CTNND1: variants seen among roughly 807,000 people sequenced by gnomAD.
The protein encoded by CTNND1 is catenin delta-1.
In CTNND1, 16 loss-of-function variants were observed where a neutral mutation model predicts 112.1. The observed-to-expected ratio is 0.14, with a 90% CI of 0.10 to 0.22. The LOEUF (loss-of-function observed/expected upper bound fraction) is 0.22, where lower values mean the gene tolerates loss of function less well. Ranked by LOEUF, CTNND1 falls within the 10% of genes least tolerant of loss-of-function variation. The probability of loss-of-function intolerance (pLI) is 1.00; values close to 1 mark genes in which losing one functional copy is unlikely to be tolerated. For missense variants in CTNND1, 1,008 were observed against 1,257.0 expected, an observed-to-expected ratio of 0.80 and a Z score of 3.00; for synonymous variants, 420 against 446.5, an observed-to-expected ratio of 0.94 and a Z score of 0.75.
In CTNND1 at chr11:57,808,208, C is replaced by T. The variant is rs1361184233; in HGVS notation, c.2007C>T (p.Ile669=). 21 of 1,613,748 alleles carry T rather than the reference C, an allele frequency of 1.3e-5. No homozygotes were observed. The highest frequency in any genetic ancestry group is 1.8e-5 in the Non-Finnish European group (21 of 1,179,790). Residue 669 remains isoleucine (I), a synonymous_variant, in exon 13 of 21, where the codon ATC becomes ATT. Transcript: ENST00000399050. ...LFQPEVVRIY[I]SLLKESKTPA... The stretch of plus-strand genomic sequence containing the variant: ...AGCCAGAGGTGGTTCGGATATACAT[C>T]TCACTTCTTAAGGAGAGCAAGACTC...
chr11:57,811,324 G>T, intron 16 of CTNND1, 75 bp from the exon 17 acceptor site: 2 of 1,195,888 alleles, frequency 1.7e-6, no homozygotes, highest in Non-Finnish European at 2.4e-6. Context: ...GAACCTAGAG[G>T]TTTATGCCCA....
intron 4 of CTNND1, 118 bp downstream of exon 4, chr11:57,794,199 GTTTC>G: frequency 1.2e-6 from 1 of 832,352 alleles, no homozygotes; most frequent in Non-Finnish European, 1.9e-6. Context: ...TCGTCAATTA[GTTTC>G]TTTTATTTAC....
rs769966903 is a variant in CTNND1 at position 57,802,181 on chromosome 11, A to G, written c.1405A>G (p.Thr469Ala). 6 of 1,611,502 alleles carry G rather than the reference A, an allele frequency of 3.7e-6. No individual in the cohort carries two copies. The Admixed American group carries it at 1.0e-4, about 27-fold the overall frequency. Residue 469 changes from threonine (T) to alanine (A), a missense_variant, in exon 7 of 21, where the codon ACT (threonine) becomes GCT (alanine). This residue lies in a region of CTNND1 where 216 missense variants were observed against 342.8 expected (regional missense o/e 0.63). Coordinates refer to ENST00000399050, the MANE Select transcript of CTNND1 (RefSeq NM_001085458.2). ...LLRKARDMDL[T>A]EVITGTLWNL... ...TCGAAAGGCTCGTGATATGGACCTTACTGAAGTTATTACCGGTGAGTTCTA... is the reference window on the plus strand; with the variant it reads ...TCGAAAGGCTCGTGATATGGACCTTGCTGAAGTTATTACCGGTGAGTTCTA...
At chr11:57,792,719 T>C (rs368641148) in intron 3 of CTNND1, among the ~76,000 whole-genome samples, 58 of 152,182 alleles carry the variant, frequency 3.8e-4, no homozygotes, top group East Asian at 1.2e-3. Flanking sequence ...TTAGTAGAAA[T>C]GGGGTTTCAC....
In CTNND1 at chr11:57,802,112, G is replaced by T. The variant is rs1424612732; in HGVS notation, c.1336G>T (p.Ala446Ser). The stretch of plus-strand genomic sequence containing the variant: ...TGGACGTGACCAGGATAACAAGATT[G>T]CCATAAAAAACTGTGATGGTGTGCC... ...SFGRDQDNKIAIKNCDGVPAL... is the reference protein window; with the variant it reads ...SFGRDQDNKISIKNCDGVPAL... The change falls in exon 7 of 21, where the codon GCC becomes TCC. Residue 446 changes from alanine to serine, a missense_variant. Physicochemically the swap from Ala to Ser is moderately conservative, Grantham distance 99. Transcript: ENST00000399050. 1 of 1,613,992 alleles carries T rather than the reference G, an allele frequency of 6.2e-7. No individual in the cohort carries two copies.
At position 57,801,926 on chromosome 11, in the gene CTNND1, T is replaced by G. The variant is rs751036815; in HGVS notation, c.1150T>G (p.Ser384Ala). The G allele has an allele frequency of 1.2e-6, 2 of 1,613,968 alleles. No individual in the cohort carries two copies. Among genetic ancestry groups the G allele is most frequent in the Non-Finnish European group, 1.7e-6 (2 of 1,179,896 alleles). The change falls in exon 7 of 21, where the codon TCC becomes GCC. Residue 384 changes from serine to alanine, a missense_variant. Physicochemically the swap from Ser to Ala is moderately conservative, Grantham distance 99. Transcript: ENST00000399050. ...MLGFRLDAVK[S>A]NAAAYLQHLC... ...TGGATTCCGCTTGGATGCTGTCAAG[T>G]CCAATGCAGCTGCATACCTGCAACA...
At chr11:57,813,598 G>A (rs1270478037) in intron 17 of CTNND1, among the ~76,000 whole-genome samples, 1 of 152,126 alleles carries the variant, frequency 6.6e-6, no homozygotes, top group Non-Finnish European at 1.5e-5. Flanking sequence ...CAACCTTTAA[G>A]AAACTACTAC....
chr11:57,801,696 C>T, intron 6 of CTNND1, 37 bp from the exon 7 acceptor site: 1 of 1,549,346 alleles, frequency 6.5e-7, no homozygotes, highest in Non-Finnish European at 8.8e-7. Flanking sequence ...GCCATAATGA[C>T]TTGATGTATT....
At chr11:57,786,568 G>A (rs2060162440) in intron 1 of CTNND1, among the ~76,000 whole-genome samples, 1 of 152,112 alleles carries the variant, frequency 6.6e-6, no homozygotes, top group South Asian at 2.1e-4. Flanking sequence ...AAGTGGCAAA[G>A]CTGGAAAGGC....
At chr11:57,806,893 C>T (rs371603833) in intron 11 of CTNND1, 22 bp from the exon 12 acceptor site, 60 of 1,571,980 alleles carry the variant, frequency 3.8e-5, no homozygotes, top group Non-Finnish European at 5.2e-5. Context: ...ACCCCTTTTC[C>T]CGCCCTTTTT....
chr11:57,784,341 C>G (rs1180805503), intron 1 of CTNND1, among the ~76,000 whole-genome samples: 1 of 150,690 alleles, frequency 6.6e-6, no homozygotes, highest in Non-Finnish European at 1.5e-5. Context: ...CCCACGAGGT[C>G]CATGCTGTAG....
intron 1 of CTNND1, among the ~76,000 whole-genome samples, chr11:57,769,069 G>A (rs1346207463): frequency 6.6e-6 from 1 of 151,872 alleles, no homozygotes; most frequent in Non-Finnish European, 1.5e-5. Flanking sequence ...CACTTTGGGA[G>A]GCTGAGGCAG....
At chr11:57,790,491 C>T (rs1401454009) in intron 2 of CTNND1, among the ~76,000 whole-genome samples, 1 of 150,848 alleles carries the variant, frequency 6.6e-6, no homozygotes, top group South Asian at 2.1e-4. Context: ...GCCTCAGCCT[C>T]CCGAGTTGCT....
Position 57,814,316 on chromosome 11 carries a change from A to C in CTNND1, c.2644A>C (p.Lys882Gln), listed in dbSNP as rs1203065134. The change falls in exon 18 of 21, where the codon AAA (lysine) becomes CAA (glutamine). Residue 882 changes from lysine to glutamine, a missense_variant. This residue lies in a region of CTNND1 where 106 missense variants were observed against 116.2 expected (regional missense o/e 0.91). Transcript: ENST00000399050. ...AACTTTCTGACTTCATACAGATAAG[A>C]AACCTGATCGGGAAGAAATTCAGAT... is the stretch of plus-strand genomic sequence containing the variant. The part of the protein sequence containing the change: ...LIDRNQKSDK[K>Q]PDREEIQMSN... The C allele has an allele frequency of 1.1e-5, 17 of 1,611,202 alleles. No individual in the cohort carries two copies. Among genetic ancestry groups the C allele is most frequent in the Non-Finnish European group, 1.4e-5 (17 of 1,178,532 alleles).
At chr11:57,790,779 C>T (rs1045516016) in intron 2 of CTNND1, among the ~76,000 whole-genome samples, 2 of 151,782 alleles carry the variant, frequency 1.3e-5, no homozygotes, top group African/African-American at 4.8e-5. Flanking sequence ...AGACTGGTCT[C>T]GAACTTCTGA....
intron 6 of CTNND1, among the ~76,000 whole-genome samples, chr11:57,801,017 T>A (rs1238512932): frequency 6.6e-6 from 1 of 152,206 alleles, no homozygotes; most frequent in Admixed American, 6.5e-5. Flanking sequence ...GTATTGTCTT[T>A]AGAAATTGGA....
At chr11:57,810,084 C>T (rs768641256) in intron 15 of CTNND1, 25 bp from the exon 16 acceptor site, 35 of 1,548,192 alleles carry the variant, frequency 2.3e-5, no homozygotes, top group East Asian at 4.5e-5. Context: ...ATCCAAATTC[C>T]GTATGGTGTT....
rs1290084080 is a variant in CTNND1 at position 57,805,954 on chromosome 11, C to T, written c.1795C>T (p.Arg599Cys). 3.7e-6 allele frequency: 6 copies of T among 1,613,156 alleles called. No homozygotes were observed. The African/African-American group carries it at 4.0e-5, about 11-fold the overall frequency. ...TCACCGGGAGATCCCACAGGCAGAGCGTTACCAAGAGGCAGCTCCCAATGT... is the reference window on the plus strand; with the variant it reads ...TCACCGGGAGATCCCACAGGCAGAGTGTTACCAAGAGGCAGCTCCCAATGT... ...QVHREIPQAE[R>C]YQEAAPNVAN... Residue 599 changes from arginine (R) to cysteine (C), a missense_variant, in exon 10 of 21, where the codon CGT becomes TGT. Arg to Cys is a radical substitution (Grantham distance 180). This residue lies in a region of CTNND1 where 254 missense variants were observed against 279.5 expected (regional missense o/e 0.91). Coordinates refer to ENST00000399050, the MANE Select transcript of CTNND1 (RefSeq NM_001085458.2).
At chr11:57,814,406 G>A (rs1033157161) in intron 18 of CTNND1, 33 bp downstream of exon 18, 11 of 1,538,686 alleles carry the variant, frequency 7.1e-6, no homozygotes, top group Non-Finnish European at 9.8e-6. Context: ...AGGATGTGGA[G>A]TAATATTTCA....
Sources: allele counts gnomAD v4.1 joint callset (sites outside exome capture counted in the v4.1 genomes callset), GRCh38; gene constraint gnomAD v4.1.1; regional missense constraint gnomAD v4.1.1; transcripts MANE v1.5; gene names NCBI Gene and HGNC (gene_info 2026-07-23, HGNC 2026-07-21).